MCC: variants seen among roughly 807,000 people sequenced by gnomAD.
MCC encodes the protein colorectal mutant cancer protein.
MCC carries 90 observed loss-of-function variants against 116.2 expected under a neutral mutation model. The ratio of observed to expected loss-of-function variants is 0.77; its 90% CI spans 0.65 to 0.92. MCC has a LOEUF of 0.92. Among genes scored for constraint, MCC ranks in the 40% least tolerant of loss-of-function variants. MCC has a pLI of 0.00. For missense variants in MCC, 1,516 were observed against 1,312.2 expected (o/e 1.16, Z -2.40); for synonymous variants, 578 against 510.5 (o/e 1.13, Z -1.78).
chr5:113,274,056 G>T (rs1765719059), intron 3 of MCC, among the ~76,000 whole-genome samples: 2 of 152,214 alleles, frequency 1.3e-5, no homozygotes, highest in Admixed American at 1.3e-4. Context: ...GGTAAACATT[G>T]TATACCCAAC....
chr5:113,161,709 C>T (rs1477468807), intron 3 of MCC, among the ~76,000 whole-genome samples: 2 of 151,554 alleles, frequency 1.3e-5, no homozygotes, highest in East Asian at 3.9e-4. Flanking sequence ...CAATTACCAA[C>T]ATATACACAT....
At chr5:113,335,000 A>C (rs922795778) in intron 3 of MCC, among the ~76,000 whole-genome samples, 2 of 151,704 alleles carry the variant, frequency 1.3e-5, no homozygotes, top group African/African-American at 4.9e-5. Context: ...GAAAATCTAA[A>C]GGGTGACAAG....
At chr5:113,331,221 C>G (rs1012613869) in intron 3 of MCC, among the ~76,000 whole-genome samples, 2 of 148,256 alleles carry the variant, frequency 1.3e-5, no homozygotes, top group African/African-American at 5.3e-5. Context: ...TTTCAACGAT[C>G]TGTACTGTGG....
intron 3 of MCC, among the ~76,000 whole-genome samples, chr5:113,252,355 C>T (rs1764835438): frequency 1.3e-5 from 2 of 152,198 alleles, no homozygotes; most frequent in African/African-American, 4.8e-5. Context: ...ACTAACTGAG[C>T]TCTGCCTTCC....
intron 16 of MCC, among the ~76,000 whole-genome samples, chr5:113,045,667 C>T (rs898940036): frequency 5.9e-5 from 9 of 151,956 alleles, no homozygotes; most frequent in East Asian, 1.9e-4. Flanking sequence ...GGCATGGTGG[C>T]GCACACCTGT....
intron 3 of MCC, among the ~76,000 whole-genome samples, chr5:113,259,597 T>C (rs1162712333): frequency 6.6e-6 from 1 of 152,202 alleles, no homozygotes; most frequent in Admixed American, 6.5e-5. Flanking sequence ...ACTTTGTTTA[T>C]TTCCAGTAAT....
At chr5:113,466,848 G>C (rs1771924035) in intron 1 of MCC, among the ~76,000 whole-genome samples, 1 of 152,100 alleles carries the variant, frequency 6.6e-6, no homozygotes, top group South Asian at 2.1e-4. Flanking sequence ...AGCACCTGTT[G>C]TTTCCTGACT....
chr5:113,108,353 A>G (rs1230560211), intron 6 of MCC, among the ~76,000 whole-genome samples: 1 of 149,030 alleles, frequency 6.7e-6, no homozygotes, highest in Admixed American at 6.7e-5. Context: ...AAAAAAAAAA[A>G]AAAAAAAAGA....
chr5:113,129,833 C>G (rs542260062), intron 5 of MCC, among the ~76,000 whole-genome samples: 52 of 152,150 alleles, frequency 3.4e-4, no homozygotes, highest in African/African-American at 1.2e-3. Context: ...AGGCAGGAAA[C>G]AACAGATGCT....
At chr5:113,050,026 G>T (rs1256112138) in intron 15 of MCC, among the ~76,000 whole-genome samples, 1 of 152,202 alleles carries the variant, frequency 6.6e-6, no homozygotes, top group African/African-American at 2.4e-5. Context: ...CAGTAACAAT[G>T]ACAGCCAGTA....
chr5:113,392,129 G>T (rs1769417547), intron 1 of MCC, among the ~76,000 whole-genome samples: 1 of 152,066 alleles, frequency 6.6e-6, no homozygotes, highest in Non-Finnish European at 1.5e-5. Context: ...TACTTGGGAG[G>T]ACGAGAAGGG....
At chr5:113,237,997 T>A (rs1764196310) in intron 3 of MCC, among the ~76,000 whole-genome samples, 1 of 152,184 alleles carries the variant, frequency 6.6e-6, no homozygotes, top group Middle Eastern at 3.2e-3. Flanking sequence ...GGAGGAAGCA[T>A]GCTTTGTGGA....
At chr5:113,419,089 T>A (rs1770242187) in intron 1 of MCC, among the ~76,000 whole-genome samples, 1 of 152,158 alleles carries the variant, frequency 6.6e-6, no homozygotes. Flanking sequence ...CTCCTAGGTA[T>A]ACATATATCC....
chr5:113,233,066 G>C (rs1324510782), intron 3 of MCC, among the ~76,000 whole-genome samples: 3 of 149,102 alleles, frequency 2.0e-5, no homozygotes, highest in African/African-American at 7.8e-5. Flanking sequence ...CAGCCAGCAG[G>C]CAGGCAGTGC....
intron 9 of MCC, among the ~76,000 whole-genome samples, chr5:113,084,638 C>G (rs1269762919): frequency 1.3e-5 from 2 of 152,218 alleles, no homozygotes; most frequent in African/African-American, 2.4e-5. Context: ...GGCAAGCCAA[C>G]AGGCATAATT....
intron 8 of MCC, among the ~76,000 whole-genome samples, chr5:113,097,725 C>A (rs1756114789): frequency 6.6e-6 from 1 of 152,190 alleles, no homozygotes; most frequent in African/African-American, 2.4e-5. Context: ...ACAACACTTA[C>A]ACTTCCAGGC....
chr5:113,208,584 G>A (rs115787554), intron 3 of MCC, among the ~76,000 whole-genome samples: 128 of 152,118 alleles, frequency 8.4e-4, no homozygotes, highest in African/African-American at 3.0e-3. Flanking sequence ...TGAAATGTGA[G>A]GTGAAGAAAC....
At chr5:113,350,398 C>T (rs1205977163) in intron 2 of MCC, among the ~76,000 whole-genome samples, 3 of 152,062 alleles carry the variant, frequency 2.0e-5, no homozygotes, top group Non-Finnish European at 4.4e-5. Flanking sequence ...CACACACTTA[C>T]AGTGAATTCA....
Position 113,345,956 on chromosome 5 carries a change from GT to G in MCC, c.416-5227del, listed in dbSNP as rs532005582. Among the ~76,000 whole-genome samples the G allele has an allele frequency of 2.1e-3, 319 of 152,308 alleles. 4 individuals are homozygous for G. The highest frequency in any genetic ancestry group is 3.9e-3 in the Admixed American group (59 of 15,306). ...TCCAGACAGAGAATTCAAAATAACT[GT>G]TTTGAGGAAACTCAAAGAAATTCAA... On this transcript the variant is annotated intron_variant, in intron 2 of 18. Transcript: ENST00000408903.
Sources: allele counts gnomAD v4.1 joint callset (sites outside exome capture counted in the v4.1 genomes callset), GRCh38; gene constraint gnomAD v4.1.1; transcripts MANE v1.5; gene names NCBI Gene and HGNC (gene_info 2026-07-23, HGNC 2026-07-21).